Variants in BDKRB2 observed in about 807,000 individuals in gnomAD.
BDKRB2 encodes bradykinin receptor B2.
In BDKRB2, 6 loss-of-function variants were observed where a neutral mutation model predicts 4.0. That is an observed-to-expected ratio of 1.49 (90% CI 0.81 to 2.93). The LOEUF (loss-of-function observed/expected upper bound fraction) is 2.93, where lower values mean the gene tolerates loss of function less well. Ranked by LOEUF, BDKRB2 falls within the 30% of genes most tolerant of loss-of-function variation. The pLI is 0.00. For missense variants in BDKRB2, 478 were observed against 520.1 expected (o/e 0.92, Z 0.79); for synonymous variants, 225 against 215.3 (o/e 1.05, Z -0.40).
At chr14:96,218,399 T>C (rs370137388) in intron 1 of BDKRB2, among the ~76,000 whole-genome samples, 4 of 152,140 alleles carry the variant, frequency 2.6e-5, no homozygotes, top group African/African-American at 4.8e-5. Context: ...CACTTCATAG[T>C]GGGATGACCT....
At position 96,239,720 on chromosome 14, in the gene BDKRB2, G is replaced by T. The variant is rs555676009; in HGVS notation, c.75-683G>T. ...GGTGAGGTCATTGTGGTTCAAGGACGTTAAGTAACTTCCCCAGCGTCACAC... is the reference window on the plus strand; with the variant it reads ...GGTGAGGTCATTGTGGTTCAAGGACTTTAAGTAACTTCCCCAGCGTCACAC... On this transcript the variant is annotated intron_variant, in intron 2 of 2. Coordinates refer to ENST00000554311, the MANE Select transcript of BDKRB2 (RefSeq NM_001379692.1). 5.3e-6 allele frequency: 5 copies of T among 950,512 alleles called. No individual in the cohort carries two copies. The African/African-American group carries it at 8.9e-5, about 17-fold the overall frequency. 58.9% of individuals were successfully genotyped at this position (950,512 alleles called of 1,614,324 possible). A position where few individuals can be genotyped will look rare whatever the true frequency, so the allele number is the denominator to read the frequency against.
At chr14:96,209,357 A>C (rs756447592) in intron 1 of BDKRB2, among the ~76,000 whole-genome samples, 2 of 152,232 alleles carry the variant, frequency 1.3e-5, no homozygotes, top group African/African-American at 2.4e-5. Context: ...TAGTGTTGTA[A>C]ATCAAAGAGA....
intron 1 of BDKRB2, among the ~76,000 whole-genome samples, chr14:96,226,972 C>G (rs934284937): frequency 2.6e-5 from 4 of 152,206 alleles, no homozygotes; most frequent in African/African-American, 9.6e-5. Flanking sequence ...AGCCCTGGCC[C>G]CAGAACCTGA....
At chr14:96,223,407 T>C in intron 1 of BDKRB2, 1 of 738,262 alleles carries the variant, frequency 1.4e-6, no homozygotes, top group South Asian at 1.5e-5. Context: ...TCCTAACATC[T>C]TTCTGATAAC....
rs534058001 is a variant in BDKRB2, at chr14:96,224,354, CTCTAG to C, written c.-39-12711_-39-12707del. Among the ~76,000 whole-genome samples, 191 of 152,322 alleles carry C rather than the reference CTCTAG, an allele frequency of 1.3e-3. 1 individual carries two copies. In the Middle Eastern group the frequency reaches 0.024, roughly 19 times the overall value. ...CAGACTGCTTATGTTCAAATCTCAACTCTAGTCTTGCTAGCTGTGCCTCTGTTTGC... is the reference window on the plus strand; with the variant it reads ...CAGACTGCTTATGTTCAAATCTCAACTCTTGCTAGCTGTGCCTCTGTTTGC... On this transcript the variant is annotated intron_variant, in intron 1 of 2. Coordinates refer to ENST00000554311, the MANE Select transcript of BDKRB2 (RefSeq NM_001379692.1).
intron 1 of BDKRB2, among the ~76,000 whole-genome samples, chr14:96,222,023 A>T (rs903854958): frequency 6.6e-6 from 1 of 152,144 alleles, no homozygotes; most frequent in African/African-American, 2.4e-5. Context: ...TTCAGAACCC[A>T]TCGCAAGTCT....
At position 96,243,352 on chromosome 14, in the gene BDKRB2, G is replaced by A. The variant is rs997875261; in HGVS notation, c.*1848G>A. 2 of 147,430 alleles carry A rather than the reference G, an allele frequency of 1.4e-5. No homozygotes were observed. The highest frequency in any genetic ancestry group is 4.0e-4 in the East Asian group (2 of 4,982). 9.1% of individuals were successfully genotyped at this position (147,430 alleles called of 1,614,324 possible). On this transcript the variant is annotated 3_prime_UTR_variant, in exon 3 of 3. Transcript: ENST00000554311. ...AGAAGGGCTAGAACCTGGAGGGCTGGAATCTGGAGAGCTAGAACCTGGAGG... is the reference window on the plus strand; with the variant it reads ...AGAAGGGCTAGAACCTGGAGGGCTGAAATCTGGAGAGCTAGAACCTGGAGG...
chr14:96,229,021 G>A (rs1408298289), intron 1 of BDKRB2, among the ~76,000 whole-genome samples: 4 of 152,132 alleles, frequency 2.6e-5, no homozygotes, highest in African/African-American at 9.7e-5. Flanking sequence ...GGAACAGGTG[G>A]GGCACACTGT....
chr14:96,216,720 AAGGAGGAGGAGGAAGG>A (rs1343327280), intron 1 of BDKRB2, among the ~76,000 whole-genome samples: 3 of 62,360 alleles, frequency 4.8e-5, no homozygotes, highest in Admixed American at 3.7e-4. Flanking sequence ...GAGGAAGAGG[AAGGAGGAGGAGGAAGG>A]AGGAGGAGGA....
Position 96,242,495 on chromosome 14 carries a change from G to T in BDKRB2, c.*991G>T, listed in dbSNP as rs2069591. The T allele has an allele frequency of 0.075, 11,426 of 152,352 alleles. 568 individuals are homozygous for T. The highest frequency in any genetic ancestry group is 0.11 in the Non-Finnish European group (7,351 of 68,050). 9.4% of individuals were successfully genotyped at this position (152,352 alleles called of 1,614,324 possible). On this transcript the variant is annotated 3_prime_UTR_variant, in exon 3 of 3. Coordinates refer to ENST00000554311, the MANE Select transcript of BDKRB2 (RefSeq NM_001379692.1). The stretch of plus-strand genomic sequence containing the variant: ...TTTACTATAAGGAAAAGACACTGAG[G>T]TCTAGAAATAGCTCCGTGGAGCAGA...
chr14:96,238,104 C>T, intron 2 of BDKRB2: 2 of 1,029,712 alleles, frequency 1.9e-6, no homozygotes, highest in Non-Finnish European at 2.3e-6. Flanking sequence ...ATTCAGAGCC[C>T]AGTAGAGACA....
rs200950468 is a variant in BDKRB2, at chr14:96,210,016, A to AATC, written c.-40+5075_-40+5077dup. 5.0e-3 allele frequency among the ~76,000 whole-genome samples: 683 copies of AATC among 136,318 alleles called. 4 individuals are homozygous for AATC. The highest frequency in any genetic ancestry group is 0.016 in the African/African-American group (641 of 38,858). 89.4% of individuals were successfully genotyped at this position (136,318 alleles called of 152,430 possible). On this transcript the variant is annotated intron_variant, in intron 1 of 2. Transcript: ENST00000554311. Reference sequence around the variant, plus strand: ...ATCTCAAAATAATAATAATAATAATAATCATCATCATCATCATCATAGCAT... The same window carrying AATC: ...ATCTCAAAATAATAATAATAATAATAATCATCATCATCATCATCATCATAGCAT...
At chr14:96,205,266 T>C (rs1483558064) in intron 1 of BDKRB2, among the ~76,000 whole-genome samples, 1 of 152,040 alleles carries the variant, frequency 6.6e-6, no homozygotes, top group East Asian at 1.9e-4. Context: ...ATACTTTGAG[T>C]GGACACCTTG....
rs199831344 is a variant in BDKRB2 at position 96,240,925 on chromosome 14, G to A, written c.597G>A (p.Lys199=). 2 of 1,595,882 alleles carry A rather than the reference G, an allele frequency of 1.3e-6. No homozygotes were observed. The highest frequency in any genetic ancestry group is 8.5e-7 in the Non-Finnish European group (1 of 1,171,052). ...CCATGCTGGTGTTCCGGACCATGAA[G>A]GAGTACAGCGATGAGGGCCACAACG... The part of the protein sequence containing the change: ...SSPMLVFRTM[K]EYSDEGHNVT... Residue 199 remains lysine, a synonymous_variant, in exon 3 of 3, where the codon AAG becomes AAA. Transcript: ENST00000554311.
chr14:96,241,049 A>G lies in BDKRB2; in HGVS notation c.721A>G (p.Thr241Ala). The G allele has an allele frequency of 1.2e-6, 2 of 1,612,210 alleles. No individual in the cohort carries two copies. Among genetic ancestry groups the G allele is most frequent in the Admixed American group, 1.7e-5 (1 of 59,978 alleles). Reference protein sequence around the residue: ...VGFLLPLSVITFCTMQIMQVL... With the variant: ...VGFLLPLSVIAFCTMQIMQVL... ...CTTCCTGCTGCCCCTGAGTGTCATC[A>G]CCTTCTGCACGATGCAGATCATGCA... is the stretch of plus-strand genomic sequence containing the variant. Residue 241 changes from threonine to alanine, a missense_variant, in exon 3 of 3, where the codon ACC (threonine) becomes GCC (alanine). By Grantham distance (58) the Thr-to-Ala change is moderately conservative. Transcript: ENST00000554311.
At chr14:96,223,278 T>C in intron 1 of BDKRB2, 3 of 1,044,478 alleles carry the variant, frequency 2.9e-6, no homozygotes, top group Non-Finnish European at 1.5e-6. Flanking sequence ...GGGTCCATAA[T>C]ATGATCCATG....
intron 2 of BDKRB2, among the ~76,000 whole-genome samples, chr14:96,237,497 C>A (rs1890964004): frequency 6.6e-6 from 1 of 152,188 alleles, no homozygotes; most frequent in Non-Finnish European, 1.5e-5. Context: ...CCCAGTGGAT[C>A]AGACAGCAAT....
intron 1 of BDKRB2, among the ~76,000 whole-genome samples, chr14:96,215,602 T>C (rs1002894979): frequency 1.3e-5 from 2 of 152,166 alleles, no homozygotes; most frequent in Admixed American, 6.5e-5. Flanking sequence ...AGAGAAGACA[T>C]TGGAAGCTGC....
chr14:96,235,119 G>A (rs189964179), intron 1 of BDKRB2, among the ~76,000 whole-genome samples: 14 of 152,052 alleles, frequency 9.2e-5, no homozygotes, highest in Non-Finnish European at 1.3e-4. Context: ...AGGCCGAGGC[G>A]GGTGGATTGT....
Sources: allele counts gnomAD v4.1 joint callset (sites outside exome capture counted in the v4.1 genomes callset), GRCh38; gene constraint gnomAD v4.1.1; transcripts MANE v1.5; gene names NCBI Gene and HGNC (gene_info 2026-07-23, HGNC 2026-07-21).